Variants in SPIN2A observed in about 807,000 individuals in gnomAD.
SPIN2A encodes the protein spindlin family member 2A, also known as spindlin-2A.
In SPIN2A, 4 loss-of-function variants were observed where a neutral mutation model predicts 9.2. The ratio of observed to expected loss-of-function variants is 0.44; its 90% confidence interval spans 0.21 to 1.00. The LOEUF is 1.00. Among genes scored for constraint, SPIN2A ranks in the 50% least tolerant of loss-of-function variants. SPIN2A has a pLI of 0.26. For missense variants in SPIN2A, 77 were observed against 172.8 expected, an observed-to-expected ratio of 0.45 and a Z score of 3.11; for synonymous variants, 25 against 61.2, an observed-to-expected ratio of 0.41 and a Z score of 2.76.
chrX:57,135,884 C>T lies in SPIN2A; in HGVS notation c.714G>A (p.Val238=), dbSNP rs922146353. 9.9e-6 allele frequency: 12 copies of T among 1,207,830 alleles called. No homozygotes were observed. The highest frequency in any genetic ancestry group is 1.3e-5 in the Non-Finnish European group (12 of 893,690). Residue 238 remains valine, a synonymous_variant, in exon 2 of 2, where the codon GTG becomes GTA. Transcript: ENST00000374906. The part of the protein sequence containing the change: ...VIHQVETKPS[V]YFIKFDDDFH... ...AATCATCATCAAACTTGATGAAATACACAGAGGGTTTGGTTTCCACTTGGT... is the reference window on the plus strand; with the variant it reads ...AATCATCATCAAACTTGATGAAATATACAGAGGGTTTGGTTTCCACTTGGT...
chrX:57,135,883 A>G lies in SPIN2A; in HGVS notation c.715T>C (p.Tyr239His). The change falls in exon 2 of 2, where the codon TAT (tyrosine) becomes CAT (histidine). Residue 239 changes from tyrosine (Y) to histidine (H), a missense_variant. By Grantham distance (83) the Tyr-to-His change is moderately conservative. Around this residue, in one of 4 missense-constraint regions of SPIN2A, gnomAD observed 36 missense variants for 47.6 expected, o/e 0.76. Transcript: ENST00000374906. Reference sequence around the variant, plus strand: ...AAATCATCATCAAACTTGATGAAATACACAGAGGGTTTGGTTTCCACTTGG... The same window carrying G: ...AAATCATCATCAAACTTGATGAAATGCACAGAGGGTTTGGTTTCCACTTGG... ...IHQVETKPSV[Y>H]FIKFDDDFHI... The G allele has an allele frequency of 8.3e-7, 1 of 1,210,148 alleles. No individual in the cohort carries two copies. The highest frequency in any genetic ancestry group is 1.1e-6 in the Non-Finnish European group (1 of 894,076).
At chrX:57,140,209 T>A (rs1206036326), upstream of SPIN2A, among the ~76,000 whole-genome samples, 1 of 110,604 alleles carries the variant, frequency 9.0e-6, no homozygotes, top group Admixed American at 9.7e-5. Context: ...TAAAATCAGT[T>A]TCTTAGTTAC....
At chrX:57,138,631 C>A (rs940169266), upstream of SPIN2A, among the ~76,000 whole-genome samples, 1 of 111,074 alleles carries the variant, frequency 9.0e-6, no homozygotes, top group Admixed American at 9.6e-5. Context: ...TTTGGAGGAA[C>A]TACCACGCTG....
intron 1 of SPIN2A, chrX:57,136,985 A>G (rs1927815889): frequency 3.4e-6 from 3 of 891,530 alleles, no homozygotes; most frequent in African/African-American, 2.1e-5. Context: ...TGCTGTCTGT[A>G]ACCCCCACTG....
the SPIN2A span, among the ~76,000 whole-genome samples, chrX:57,146,654 G>T: frequency 1.8e-5 from 2 of 111,837 alleles, no homozygotes; most frequent in Non-Finnish European, 3.8e-5. Flanking sequence ...GTTCTCAGAG[G>T]AAATGCTTTC....
downstream of SPIN2A, chrX:57,134,477 T>C (rs1927619016): frequency 9.0e-6 from 1 of 110,763 alleles, no homozygotes; most frequent in South Asian, 3.9e-4. Flanking sequence ...GAGCCACCTA[T>C]GGTTTCAGGC....
Position 57,135,777 on chromosome X carries a change from T to C in SPIN2A, c.*44A>G. 1.7e-6 allele frequency: 2 copies of C among 1,168,214 alleles called. No homozygotes were observed. Among genetic ancestry groups the C allele is most frequent in the South Asian group, 4.1e-5 (2 of 48,986 alleles). Reference sequence around the variant, plus strand: ...GCAACATTTTTTGCATGTCTACAAATTATACATTTGTTTCCACACATGTGC... The same window carrying C: ...GCAACATTTTTTGCATGTCTACAAACTATACATTTGTTTCCACACATGTGC... On this transcript the variant is annotated 3_prime_UTR_variant, in exon 2 of 2. Transcript: ENST00000374906.
upstream of SPIN2A, among the ~76,000 whole-genome samples, chrX:57,139,933 T>C (rs1358835426): frequency 8.9e-6 from 1 of 112,178 alleles, no homozygotes; most frequent in Non-Finnish European, 1.9e-5. Flanking sequence ...AGTTTATGTA[T>C]ATGTAGATAA....
the SPIN2A span, among the ~76,000 whole-genome samples, chrX:57,143,357 C>T: frequency 7.2e-5 from 8 of 110,533 alleles, no homozygotes; most frequent in African/African-American, 2.0e-4. Context: ...TTAACTCGGA[C>T]GATGGTGGAG....
At chrX:57,146,171 C>T in the SPIN2A span, among the ~76,000 whole-genome samples, 1 of 110,336 alleles carries the variant, frequency 9.1e-6, no homozygotes, top group Non-Finnish European at 1.9e-5. Flanking sequence ...TGGTCTTTTT[C>T]ACAATATTGA....
chrX:57,141,485 G>C (rs1045212323), upstream of SPIN2A, among the ~76,000 whole-genome samples: 1 of 111,639 alleles, frequency 9.0e-6, no homozygotes. Context: ...TTGATTTTTT[G>C]GAATGGTTTG....
chrX:57,139,177 A>G (rs1238116410), upstream of SPIN2A, among the ~76,000 whole-genome samples: 1 of 112,098 alleles, frequency 8.9e-6, no homozygotes, highest in African/African-American at 3.2e-5. Context: ...TAGTAGCTTC[A>G]CAATTTCAGG....
chrX:57,143,639 G>T, the SPIN2A span, among the ~76,000 whole-genome samples: 1 of 110,216 alleles, frequency 9.1e-6, no homozygotes, highest in Non-Finnish European at 1.9e-5. Flanking sequence ...ACCATGCTAA[G>T]CTATTTCTTT....
chrX:57,141,971 A>G (rs1928015481), upstream of SPIN2A, among the ~76,000 whole-genome samples: 2 of 108,872 alleles, frequency 1.8e-5, no homozygotes, highest in South Asian at 8.0e-4. Context: ...CCCCGGTCTA[A>G]TTTTTCATCT....
At chrX:57,145,321 T>A in the SPIN2A span, among the ~76,000 whole-genome samples, 2 of 111,347 alleles carry the variant, frequency 1.8e-5, no homozygotes, top group Non-Finnish European at 3.8e-5. Flanking sequence ...GTGATGTTGA[T>A]CATTTTTTAT....
upstream of SPIN2A, among the ~76,000 whole-genome samples, chrX:57,138,678 A>G (rs1330910171): frequency 9.0e-6 from 1 of 111,308 alleles, no homozygotes; most frequent in African/African-American, 3.3e-5. Flanking sequence ...TATCCCCACG[A>G]GCAATTTACA....
chrX:57,142,285 G>C (rs1928024497), upstream of SPIN2A, among the ~76,000 whole-genome samples: 1 of 111,401 alleles, frequency 9.0e-6, no homozygotes, highest in Non-Finnish European at 1.9e-5. Flanking sequence ...GTGTTCTGTA[G>C]GTTTTGGTAT....
Position 57,137,333 on chromosome X carries a change from G to A in SPIN2A, c.-79C>T. 1 of 758,834 alleles carries A rather than the reference G, an allele frequency of 1.3e-6. No homozygotes were observed. The highest frequency in any genetic ancestry group is 7.5e-4 in the Middle Eastern group (1 of 1,326). 62.5% of individuals were successfully genotyped at this position (758,834 alleles called of 1,213,427 possible). Reference sequence around the variant, plus strand: ...CGACTCGCTGAGTGACTGCTTGCAAGAGCGGGGAGGGTAGGATCCATAGAT... The same window carrying A: ...CGACTCGCTGAGTGACTGCTTGCAAAAGCGGGGAGGGTAGGATCCATAGAT... On this transcript the variant is annotated 5_prime_UTR_variant, in exon 1 of 2. Coordinates refer to ENST00000374906, the MANE Select transcript of SPIN2A (RefSeq NM_019003.5).
At chrX:57,142,657 T>C in the SPIN2A span, among the ~76,000 whole-genome samples, 1 of 111,369 alleles carries the variant, frequency 9.0e-6, no homozygotes, top group Non-Finnish European at 1.9e-5. Context: ...GATATTTCTT[T>C]GTTAATTTTT....
Sources: allele counts gnomAD v4.1 joint callset (sites outside exome capture counted in the v4.1 genomes callset), GRCh38; gene constraint gnomAD v4.1.1; regional missense constraint gnomAD v4.1.1; transcripts MANE v1.5; gene names NCBI Gene and HGNC (gene_info 2026-07-23, HGNC 2026-07-21).